DNMT3A: variants seen among roughly 807,000 people sequenced by gnomAD.
The protein encoded by DNMT3A is DNA methyltransferase 3 alpha, also known as DNA (cytosine-5)-methyltransferase 3A.
DNMT3A carries 267 observed loss-of-function variants against 117.6 expected under a neutral mutation model. The observed-to-expected ratio is 2.27, with a 90% CI of 2.05 to 2.51. DNMT3A has a LOEUF of 2.51. Among genes scored for constraint, DNMT3A ranks in the 30% most tolerant of loss-of-function variants. The pLI is 0.00. For synonymous variants in DNMT3A, 432 were observed against 474.8 expected (o/e 0.91, Z 1.17); for missense variants, 1,029 against 1,260.2 (o/e 0.82, Z 2.78).
chr2:25,259,024 A>C (rs1676389775), intron 6 of DNMT3A, among the ~76,000 whole-genome samples: 1 of 151,878 alleles, frequency 6.6e-6, no homozygotes, highest in Non-Finnish European at 1.5e-5. Context: ...TTCTCTCCCC[A>C]CCTCTATCCC....
chr2:25,312,515 G>A (rs945516732), intron 2 of DNMT3A, among the ~76,000 whole-genome samples: 1 of 152,154 alleles, frequency 6.6e-6, no homozygotes, highest in Non-Finnish European at 1.5e-5. Context: ...CTCCTGGGAT[G>A]TGTACATGTG....
At chr2:25,330,478 T>C (rs1008691525) in intron 1 of DNMT3A, among the ~76,000 whole-genome samples, 11 of 152,060 alleles carry the variant, frequency 7.2e-5, no homozygotes, top group Non-Finnish European at 2.9e-5. Context: ...GCTTCAAAGG[T>C]CTCCCCAGGG....
At chr2:25,276,611 T>C (rs906134535) in intron 4 of DNMT3A, among the ~76,000 whole-genome samples, 4 of 152,154 alleles carry the variant, frequency 2.6e-5, no homozygotes, top group Non-Finnish European at 4.4e-5. Context: ...CACCACCCTT[T>C]CCAGGCACCC....
chr2:25,244,753 A>C, intron 13 of DNMT3A, 101 bp from the exon 14 acceptor site: 1 of 984,982 alleles, frequency 1.0e-6, no homozygotes, highest in South Asian at 1.4e-5. Context: ...CTAAGCCCTG[A>C]AGACATGACC....
rs369618387 is a variant in DNMT3A at position 25,300,203 on chromosome 2, C to T, written c.113G>A (p.Arg38His). The change falls in exon 3 of 23, where the codon CGC becomes CAC. Residue 38 changes from arginine (R) to histidine (H), a missense_variant. Coordinates refer to ENST00000321117, the MANE Select transcript of DNMT3A (RefSeq NM_022552.5). Reference sequence around the variant, plus strand: ...CCGTGCCGTGGTGCTGGGCTCTTGGCGCTCCTCCTTGCCACGCGGCTCCTC... The same window carrying T: ...CCGTGCCGTGGTGCTGGGCTCTTGGTGCTCCTCCTTGCCACGCGGCTCCTC... ...EQEEPRGKEE[R>H]QEPSTTARKV... The T allele has an allele frequency of 1.4e-5, 23 of 1,611,636 alleles. No individual in the cohort carries two copies. The highest frequency in any genetic ancestry group is 1.6e-4 in the Middle Eastern group (1 of 6,082).
chr2:25,291,719 C>T (rs573614557), intron 3 of DNMT3A, among the ~76,000 whole-genome samples: 3 of 152,354 alleles, frequency 2.0e-5, no homozygotes, highest in South Asian at 2.1e-4. Context: ...TCTCTCCACC[C>T]GTGTGTCTGA....
chr2:25,259,023 C>T (rs1676389530), intron 6 of DNMT3A, among the ~76,000 whole-genome samples: 1 of 152,208 alleles, frequency 6.6e-6, no homozygotes, highest in African/African-American at 2.4e-5. Flanking sequence ...CTTCTCTCCC[C>T]ACCTCTATCC....
intron 1 of DNMT3A, among the ~76,000 whole-genome samples, chr2:25,341,566 A>G (rs2035456506): frequency 7.0e-6 from 1 of 143,260 alleles, no homozygotes; most frequent in African/African-American, 2.5e-5. Context: ...CCGCGCCGGG[A>G]GCGGGCGGGA....
In DNMT3A at chr2:25,232,096, C is replaced by G. The variant is rs1672905197; in HGVS notation, c.*2183G>C. 1 of 152,062 alleles carries G rather than the reference C, an allele frequency of 6.6e-6. No homozygotes were observed. The highest frequency in any genetic ancestry group is 2.1e-4 in the South Asian group (1 of 4,818). The allele number at this position is 152,062 out of a possible 1,614,324, so 9.4% of individuals were successfully genotyped here. ...AAGCCTGCTTCCCCCACTCCCCACC[C>G]CATAATATTTCTTAAACATGACCCT... On this transcript the variant is annotated 3_prime_UTR_variant, in exon 23 of 23. Transcript: ENST00000321117. This position sits in a 1 kb window ranked among gnomAD's most constrained non-coding sequence, Gnocchi z 4.1.
At chr2:25,297,117 C>T (rs775519688) in intron 3 of DNMT3A, among the ~76,000 whole-genome samples, 154 of 152,292 alleles carry the variant, frequency 1.0e-3, no homozygotes, top group Non-Finnish European at 1.6e-3. Context: ...CCAGCACCTG[C>T]GACCACAAGG....
At chr2:25,316,813 C>G (rs2034398920) in intron 1 of DNMT3A, among the ~76,000 whole-genome samples, 2 of 152,198 alleles carry the variant, frequency 1.3e-5, no homozygotes, top group Non-Finnish European at 2.9e-5. Context: ...TGCCAAGAAC[C>G]CTACCACCAT....
chr2:25,320,021 C>T (rs1451919608), intron 1 of DNMT3A, among the ~76,000 whole-genome samples: 5 of 152,190 alleles, frequency 3.3e-5, no homozygotes, highest in South Asian at 2.1e-4. Flanking sequence ...CCACCCGCCT[C>T]GGCCTCCCAA....
chr2:25,266,115 T>C (rs2030316494), intron 6 of DNMT3A, among the ~76,000 whole-genome samples: 1 of 152,122 alleles, frequency 6.6e-6, no homozygotes, highest in Non-Finnish European at 1.5e-5. Flanking sequence ...TAAAGGACAA[T>C]GGGGAGTCCC....
chr2:25,240,874 T>A, intron 17 of DNMT3A, 144 bp from the exon 18 acceptor site: 1 of 725,678 alleles, frequency 1.4e-6, no homozygotes, highest in Non-Finnish European at 2.3e-6. Context: ...CTCACGACCC[T>A]AGCTGCAACC....
chr2:25,246,970 C>T, intron 9 of DNMT3A, 81 bp downstream of exon 9: 2 of 1,536,836 alleles, frequency 1.3e-6, no homozygotes, highest in Middle Eastern at 1.8e-4. Context: ...CTCCGTTCTG[C>T]TCAAGCCCGA....
chr2:25,300,327 T>C lies in DNMT3A; in HGVS notation c.73-84A>G, dbSNP rs7596387. On this transcript the variant is annotated intron_variant, in intron 2 of 22. Coordinates refer to ENST00000321117, the MANE Select transcript of DNMT3A (RefSeq NM_022552.5). ...AGGCCTGTCTGGGGCTGGCCCTGGC[T>C]TCCCTTCCAGCCCCAGCCTCCTCCT... 0.1 allele frequency: 149,716 copies of C among 1,472,676 alleles called. 8,243 individuals are homozygous for C. The highest frequency in any genetic ancestry group is 0.18 in the African/African-American group (12,984 of 71,736). 91.2% of individuals were successfully genotyped at this position (1,472,676 alleles called of 1,614,324 possible).
chr2:25,259,045 G>A (rs1241573155), intron 6 of DNMT3A, among the ~76,000 whole-genome samples: 1 of 152,166 alleles, frequency 6.6e-6, no homozygotes, highest in Non-Finnish European at 1.5e-5. Flanking sequence ...AGAGCCCCTG[G>A]CTCCCTCGTT....
intron 1 of DNMT3A, among the ~76,000 whole-genome samples, chr2:25,341,036 C>T (rs1337147293): frequency 3.4e-5 from 5 of 145,862 alleles, no homozygotes; most frequent in African/African-American, 1.2e-4. Context: ...AAGGCGGGCG[C>T]TCTCCCCGGC....
At chr2:25,314,791 GGCT>G in intron 1 of DNMT3A, 1 of 821,994 alleles carries the variant, frequency 1.2e-6, no homozygotes, top group African/African-American at 1.8e-5. Flanking sequence ...GCAGGAGTGA[GGCT>G]GCTCTCTCCC....
Sources: allele counts gnomAD v4.1 joint callset (sites outside exome capture counted in the v4.1 genomes callset), GRCh38; gene constraint gnomAD v4.1.1; non-coding constraint Gnocchi (gnomAD v3.1); transcripts MANE v1.5; gene names NCBI Gene and HGNC (gene_info 2026-07-23, HGNC 2026-07-21).